RBFOX1: variants seen among roughly 807,000 people sequenced by gnomAD.
RBFOX1 encodes the protein RNA binding fox-1 homolog 1.
Under a neutral mutation model 57.7 loss-of-function variants are expected in RBFOX1, and 8 were observed. The observed-to-expected ratio is 0.14, with a 90% CI of 0.08 to 0.25. RBFOX1 has a LOEUF of 0.25. Among genes scored for constraint, RBFOX1 ranks in the 10% least tolerant of loss-of-function variants. RBFOX1 has a pLI of 1.00. For missense variants in RBFOX1, 611 were observed against 548.5 expected (o/e 1.11, Z -1.14); for synonymous variants, 326 against 222.4 (o/e 1.47, Z -4.15).
At position 6,906,463 on chromosome 16, in the gene RBFOX1, A is replaced by G. The variant is rs553124710; in HGVS notation, c.-15-145594A>G. On this transcript the variant is annotated intron_variant, in intron 3 of 15. Transcript: ENST00000550418. ...CCTGTGGAAATGCGACTTTATTTTGAAATAATTTGAAATAAGAGTGTATGC... is the reference window on the plus strand; with the variant it reads ...CCTGTGGAAATGCGACTTTATTTTGGAATAATTTGAAATAAGAGTGTATGC... 5.9e-5 allele frequency among the ~76,000 whole-genome samples: 9 copies of G among 152,276 alleles called. No homozygotes were observed. The East Asian group carries it at 1.7e-3, about 29-fold the overall frequency.
chr16:7,473,288 G>C (rs2061939036), intron 4 of RBFOX1, among the ~76,000 whole-genome samples: 2 of 151,882 alleles, frequency 1.3e-5, no homozygotes, highest in Non-Finnish European at 2.9e-5. Flanking sequence ...TGAGGCATGA[G>C]AATTGCTTGA....
chr16:7,242,664 C>A (rs181466153), intron 4 of RBFOX1, among the ~76,000 whole-genome samples: 1 of 152,166 alleles, frequency 6.6e-6, no homozygotes, highest in South Asian at 2.1e-4. Context: ...GTCCAACATC[C>A]GTGCTTCGTG....
chr16:5,980,448 C>T (rs1423334926), intron 4 of RBFOX1, among the ~76,000 whole-genome samples: 2 of 152,108 alleles, frequency 1.3e-5, no homozygotes, highest in Admixed American at 6.5e-5. Context: ...TGCAGGAGGC[C>T]GAATTCTCGC....
intron 2 of RBFOX1, among the ~76,000 whole-genome samples, chr16:6,486,082 C>CTTTTTTTTTTTT (rs71145234): frequency 1.9e-4 from 12 of 62,964 alleles, no homozygotes; most frequent in Admixed American, 4.4e-4. Context: ...CAGTAAAAGG[C>CTTTTTTTTTTTT]TTTTTTTTTT....
chr16:6,836,417 A>G (rs1190494096), intron 3 of RBFOX1, among the ~76,000 whole-genome samples: 1 of 152,168 alleles, frequency 6.6e-6, no homozygotes, highest in African/African-American at 2.4e-5. Context: ...GTTTTGTCAT[A>G]TTTCTCAACA....
intron 1 of RBFOX1, among the ~76,000 whole-genome samples, chr16:5,317,827 G>A (rs918466474): frequency 8.5e-5 from 13 of 152,112 alleles, no homozygotes; most frequent in African/African-American, 2.7e-4. Flanking sequence ...ATTCAGTGGC[G>A]TGAAGCACCT....
intron 2 of RBFOX1, among the ~76,000 whole-genome samples, chr16:6,323,417 C>T (rs2082030223): frequency 6.6e-6 from 1 of 152,180 alleles, no homozygotes; most frequent in South Asian, 2.1e-4. Flanking sequence ...GTTCTGAGGG[C>T]ATGGGGTGTG....
intron 4 of RBFOX1, among the ~76,000 whole-genome samples, chr16:7,361,214 G>T (rs1596432476): frequency 6.6e-6 from 1 of 152,116 alleles, no homozygotes; most frequent in Non-Finnish European, 1.5e-5. Context: ...TTCGTTTTAT[G>T]CAGGTTCTGG....
At chr16:6,523,254 G>A (rs1184779909) in intron 2 of RBFOX1, among the ~76,000 whole-genome samples, 1 of 152,020 alleles carries the variant, frequency 6.6e-6, no homozygotes, top group African/African-American at 2.4e-5. Flanking sequence ...AGGAGGGAAG[G>A]AAGAGAAGAA....
chr16:6,667,647 C>G (rs1160349290), intron 3 of RBFOX1, among the ~76,000 whole-genome samples: 2 of 152,046 alleles, frequency 1.3e-5, no homozygotes, highest in Non-Finnish European at 2.9e-5. Context: ...TTTTTGGACA[C>G]AAGTGGGAGG....
chr16:6,238,098 A>T lies in RBFOX1; in HGVS notation c.-126-78897A>T, dbSNP rs950724757. Among the ~76,000 whole-genome samples, 949 of 151,322 alleles carry T rather than the reference A, an allele frequency of 6.3e-3. 4 individuals are homozygous for T. Among genetic ancestry groups the T allele is most frequent in the Middle Eastern group, 0.014 (4 of 286 alleles). ...AGAATGAGACTCTGTCTCAAAAAAA[A>T]AAAAAAAAAAAAAGAAAGAAAAGCC... On this transcript the variant is annotated intron_variant, in intron 1 of 15. Transcript: ENST00000550418.
intron 3 of RBFOX1, among the ~76,000 whole-genome samples, chr16:5,644,151 C>G (rs1036444247): frequency 1.3e-5 from 2 of 152,164 alleles, no homozygotes; most frequent in Non-Finnish European, 2.9e-5. Context: ...AGGAAATAAT[C>G]GCGTCTTTCC....
At chr16:5,612,200 C>G (rs1253840463) in intron 3 of RBFOX1, among the ~76,000 whole-genome samples, 1 of 102,722 alleles carries the variant, frequency 9.7e-6, no homozygotes, top group Non-Finnish European at 2.1e-5. Context: ...TTCATTCATT[C>G]TCCCCTCCAC....
At chr16:6,341,664 G>A (rs1450944815) in intron 2 of RBFOX1, among the ~76,000 whole-genome samples, 1 of 151,358 alleles carries the variant, frequency 6.6e-6, no homozygotes, top group East Asian at 1.9e-4. Context: ...TTGTTATGCT[G>A]TATATAAACA....
chr16:7,502,225 A>C (rs1290478061), intron 4 of RBFOX1, among the ~76,000 whole-genome samples: 1 of 152,234 alleles, frequency 6.6e-6, no homozygotes, highest in Non-Finnish European at 1.5e-5. Flanking sequence ...AGTGAGGCGA[A>C]TGCAAGCCAA....
intron 3 of RBFOX1, among the ~76,000 whole-genome samples, chr16:5,727,083 AC>A (rs919256739): frequency 2.6e-5 from 4 of 152,136 alleles, no homozygotes; most frequent in Admixed American, 1.3e-4. Flanking sequence ...ACATGGTAAA[AC>A]CCTGTTTCTG....
At chr16:6,211,426 C>A (rs2097297324) in intron 1 of RBFOX1, among the ~76,000 whole-genome samples, 2 of 151,970 alleles carry the variant, frequency 1.3e-5, no homozygotes, top group South Asian at 4.1e-4. Context: ...GACAGGGTTT[C>A]TTCGTGTTAG....
intron 3 of RBFOX1, among the ~76,000 whole-genome samples, chr16:6,969,047 C>T (rs924959460): frequency 3.3e-5 from 5 of 152,092 alleles, no homozygotes; most frequent in African/African-American, 1.2e-4. Context: ...GTAGTTAATA[C>T]AGTTCCCATC....
At chr16:6,214,328 A>G (rs74922974) in intron 1 of RBFOX1, among the ~76,000 whole-genome samples, 1 of 151,144 alleles carries the variant, frequency 6.6e-6, no homozygotes, top group Admixed American at 6.6e-5. Context: ...GGAGAGAGAG[A>G]GGGGGAGAGG....
Sources: allele counts gnomAD v4.1 joint callset (sites outside exome capture counted in the v4.1 genomes callset), GRCh38; gene constraint gnomAD v4.1.1; transcripts MANE v1.5; gene names NCBI Gene and HGNC (gene_info 2026-07-23, HGNC 2026-07-21).